The following PLEKHG1 variants were observed in gnomAD, a reference collection of about 807,000 sequenced individuals.
PLEKHG1 encodes pleckstrin homology domain-containing family G member 1.
PLEKHG1 carries 44 observed loss-of-function variants against 100.8 expected under a neutral mutation model. The observed-to-expected ratio is 0.44, with a 90% CI of 0.34 to 0.56. The LOEUF (loss-of-function observed/expected upper bound fraction) is 0.56. Among genes scored for constraint, PLEKHG1 ranks in the 20% least tolerant of loss-of-function variants. The pLI is 0.01. For missense variants in PLEKHG1, 1,545 were observed against 1,720.9 expected (o/e 0.90, Z 1.81); for synonymous variants, 640 against 662.5 (o/e 0.97, Z 0.52).
At chr6:150,712,158 A>T (rs1781265234) in intron 3 of PLEKHG1, among the ~76,000 whole-genome samples, 1 of 152,186 alleles carries the variant, frequency 6.6e-6, no homozygotes, top group African/African-American at 2.4e-5. Flanking sequence ...GGGATCGGGG[A>T]CAACATAGAG....
intron 13 of PLEKHG1, among the ~76,000 whole-genome samples, chr6:150,823,386 T>C (rs1357426460): frequency 6.6e-6 from 1 of 152,216 alleles, no homozygotes; most frequent in South Asian, 2.1e-4. Flanking sequence ...GCTTTTGAAA[T>C]ATCTTGAACA....
chr6:150,740,609 C>A (rs779992552), intron 2 of PLEKHG1, among the ~76,000 whole-genome samples: 3 of 152,108 alleles, frequency 2.0e-5, no homozygotes, highest in Non-Finnish European at 2.9e-5. Flanking sequence ...CATGCTCAAG[C>A]GTAGGAGTTG....
chr6:150,816,406 A>C (rs897154108), intron 10 of PLEKHG1, among the ~76,000 whole-genome samples: 4 of 122,022 alleles, frequency 3.3e-5, no homozygotes, highest in East Asian at 5.4e-4. Flanking sequence ...GTGGTGCTGC[A>C]ACCTCTGCCT....
chr6:150,819,442 G>A (rs528484157), intron 11 of PLEKHG1, among the ~76,000 whole-genome samples: 5 of 151,986 alleles, frequency 3.3e-5, no homozygotes, highest in Non-Finnish European at 5.9e-5. Flanking sequence ...GCACGCGCCT[G>A]TAGTCTCAGC....
At chr6:150,647,347 G>T (rs899651107) in intron 2 of PLEKHG1, among the ~76,000 whole-genome samples, 1 of 152,132 alleles carries the variant, frequency 6.6e-6, no homozygotes, top group African/African-American at 2.4e-5. Context: ...CACAGTTATT[G>T]TCAGGGACAC....
At chr6:150,710,626 G>T (rs963994249) in intron 3 of PLEKHG1, among the ~76,000 whole-genome samples, 1 of 152,074 alleles carries the variant, frequency 6.6e-6, no homozygotes, top group African/African-American at 2.4e-5. Flanking sequence ...AAGGGGCGTT[G>T]TTGCAGTAAA....
At chr6:150,701,455 AT>A (rs1780779607) in intron 3 of PLEKHG1, among the ~76,000 whole-genome samples, 2 of 84,654 alleles carry the variant, frequency 2.4e-5, no homozygotes, top group Middle Eastern at 4.5e-3. Context: ...ATATATATAT[AT>A]ATATATATAT....
chr6:150,628,422 C>T (rs1777586626), intron 1 of PLEKHG1, among the ~76,000 whole-genome samples: 1 of 152,056 alleles, frequency 6.6e-6, no homozygotes, highest in South Asian at 2.1e-4. Context: ...CAGCATTCCA[C>T]ACATAGGACT....
At chr6:150,776,695 G>A (rs111659578) in intron 3 of PLEKHG1, among the ~76,000 whole-genome samples, 60 of 149,906 alleles carry the variant, frequency 4.0e-4, no homozygotes, top group African/African-American at 1.1e-3. Flanking sequence ...CAATCCTGGC[G>A]TACATGTGCG....
intron 1 of PLEKHG1, chr6:150,624,889 GTTAA>G (rs1263819698): frequency 6.6e-6 from 1 of 152,134 alleles, no homozygotes; most frequent in African/African-American, 2.4e-5. Flanking sequence ...ATAAAATTTG[GTTAA>G]TTAAAGATTT....
chr6:150,786,374 G>A lies in PLEKHG1; in HGVS notation c.513-16G>A, dbSNP rs763088358. ...GACTACAATCTAATACTTCCTGGCT[G>A]TTATTTTTTTATTAGTGAACTTCTG... On this transcript the variant is annotated splice_polypyrimidine_tract_variant and intron_variant, in intron 3 of 15. Transcript: ENST00000358517. The A allele has an allele frequency of 6.4e-7, 1 of 1,573,424 alleles. No homozygotes were observed. The highest frequency in any genetic ancestry group is 8.7e-7 in the Non-Finnish European group (1 of 1,143,214).
intron 1 of PLEKHG1, among the ~76,000 whole-genome samples, chr6:150,730,202 C>T (rs974630476): frequency 2.0e-5 from 3 of 151,892 alleles, no homozygotes; most frequent in Non-Finnish European, 4.4e-5. Flanking sequence ...CAGAACTTGC[C>T]CTAGAGACAG....
At chr6:150,801,481 A>G (rs1490728347) in intron 6 of PLEKHG1, among the ~76,000 whole-genome samples, 2 of 131,870 alleles carry the variant, frequency 1.5e-5, no homozygotes, top group Non-Finnish European at 3.1e-5. Flanking sequence ...TCTGTTGCCC[A>G]GGCTGGCGTA....
At chr6:150,622,719 A>T (rs1777352053) in intron 1 of PLEKHG1, among the ~76,000 whole-genome samples, 1 of 152,212 alleles carries the variant, frequency 6.6e-6, no homozygotes, top group Non-Finnish European at 1.5e-5. Flanking sequence ...TCCTCTAGGC[A>T]TCCTCTGCCC....
At chr6:150,840,718 C>A in exon 16 of PLEKHG1, 1 of 1,614,090 alleles carries the variant, frequency 6.2e-7, no homozygotes, top group African/African-American at 1.3e-5. Flanking sequence ...TTGAATAGTC[C>A]GCGCACTCCA....
At chr6:150,828,413 T>G in intron 14 of PLEKHG1, 9 of 1,553,812 alleles carry the variant, frequency 5.8e-6, no homozygotes, top group Non-Finnish European at 7.9e-6. Context: ...ATGCCGAACT[T>G]TCTTGTGACA....
At position 150,830,466 on chromosome 6, in the gene PLEKHG1, T is replaced by C. The variant is rs565799001; in HGVS notation, c.1471-116T>C. The C allele has an allele frequency of 2.0e-4, 149 of 730,826 alleles. 4 individuals are homozygous for C. The South Asian group carries it at 2.9e-3, about 14-fold the overall frequency. The allele number at this position is 730,826 out of a possible 1,614,324, so 45.3% of individuals were successfully genotyped here. A position where few individuals can be genotyped will look rare whatever the true frequency, so the allele number is the denominator to read the frequency against. On this transcript the variant is annotated intron_variant, in intron 14 of 15. Coordinates refer to ENST00000358517, the Ensembl canonical transcript of PLEKHG1. ...AGCAAGACCCTATCTCAGAAAAAAA[T>C]AAAAGAATATTAAAGCCTAGTGGGG...
chr6:150,748,615 CTTTTTTTTTTTTT>C (rs746682669), intron 2 of PLEKHG1, among the ~76,000 whole-genome samples: 1 of 118,196 alleles, frequency 8.5e-6, no homozygotes, highest in Non-Finnish European at 1.7e-5. Context: ...TACCTTTGAC[CTTTTTTTTTTTTT>C]TTTTTTTTGA....
At chr6:150,780,864 G>T (rs557488854) in intron 3 of PLEKHG1, among the ~76,000 whole-genome samples, 39 of 151,902 alleles carry the variant, frequency 2.6e-4, no homozygotes, top group South Asian at 2.1e-3. Context: ...AAAGCAGGGG[G>T]TTTTTTGTTT....
Sources: gnomAD v4.1 joint callset for allele counts (sites outside exome capture counted in the v4.1 genomes callset) on GRCh38, gnomAD v4.1.1 for gene constraint, MANE v1.5 for transcripts, NCBI Gene and HGNC (gene_info 2026-07-23, HGNC 2026-07-21) for gene names.